CDC123: variants seen among roughly 807,000 people sequenced by gnomAD.
The protein encoded by CDC123 is cell division cycle 123, also known as translation initiation factor eIF2 assembly protein.
CDC123 carries 37 observed loss-of-function variants against 54.4 expected under a neutral mutation model. The ratio of observed to expected loss-of-function variants is 0.68; its 90% CI spans 0.52 to 0.89. CDC123 has a LOEUF of 0.89. Ranked by LOEUF, CDC123 falls within the 40% of genes least tolerant of loss-of-function variation. The pLI is 0.00. For synonymous variants in CDC123, 144 were observed against 136.8 expected (o/e 1.05, Z -0.37); for missense variants, 361 against 412.1 (o/e 0.88, Z 1.07).
chr10:12,206,582 C>T (rs945080932), intron 2 of CDC123, among the ~76,000 whole-genome samples: 10 of 152,096 alleles, frequency 6.6e-5, no homozygotes, highest in Admixed American at 1.3e-4. Flanking sequence ...GAGGCCAAGG[C>T]GGTTCGATTA....
Position 12,222,439 on chromosome 10 carries a change from GA to G in CDC123, c.440+4975del, listed in dbSNP as rs573431086. ...TCGAGACCAGCCTGGCCAACATGGT[GA>G]AACCCTGACTCTACTAAAAATACAA... On this transcript the variant is annotated intron_variant, in intron 6 of 12. Coordinates refer to ENST00000281141, the MANE Select transcript of CDC123 (RefSeq NM_006023.3). Among the ~76,000 whole-genome samples, 7 of 152,270 alleles carry G rather than the reference GA, an allele frequency of 4.6e-5. No individual in the cohort carries two copies. The South Asian group carries it at 1.5e-3, about 32-fold the overall frequency.
At chr10:12,233,278 T>TACACACACACACACAC (rs57596982) in intron 7 of CDC123, among the ~76,000 whole-genome samples, 14 of 145,678 alleles carry the variant, frequency 9.6e-5, no homozygotes, top group South Asian at 4.5e-4. Flanking sequence ...GTATTTAAAA[T>TACACACACACACACAC]ACACACACAC....
At chr10:12,210,551 C>A (rs115088873) in intron 4 of CDC123, among the ~76,000 whole-genome samples, 1 of 152,026 alleles carries the variant, frequency 6.6e-6, no homozygotes, top group Non-Finnish European at 1.5e-5. Context: ...ATTTCGAGTG[C>A]GTATTTGATG....
chr10:12,215,704 T>C, intron 4 of CDC123, 36 bp from the exon 5 acceptor site: 1 of 1,269,608 alleles, frequency 7.9e-7, no homozygotes, highest in Non-Finnish European at 1.1e-6. Context: ...ACTGTGATGA[T>C]ATTGACGTGC....
chr10:12,203,712 A>G (rs576236258), intron 2 of CDC123, among the ~76,000 whole-genome samples: 1 of 152,318 alleles, frequency 6.6e-6, no homozygotes, highest in African/African-American at 2.4e-5. Flanking sequence ...TGAGCAGGGC[A>G]TCCTACCGTA....
intron 1 of CDC123, among the ~76,000 whole-genome samples, 179 bp downstream of exon 1, chr10:12,196,498 C>G (rs185382241): frequency 7.9e-5 from 12 of 152,166 alleles, no homozygotes; most frequent in Admixed American, 6.5e-5. Context: ...AGTGTGCTGG[C>G]TAGGAGGGTC....
intron 2 of CDC123, among the ~76,000 whole-genome samples, chr10:12,208,451 G>C (rs193116644): frequency 6.6e-6 from 1 of 152,176 alleles, no homozygotes; most frequent in Admixed American, 6.5e-5. Flanking sequence ...ATGACAGTTG[G>C]AGGCAGAGAA....
In CDC123 at chr10:12,250,365, GGCCCCGCCC is replaced by G; in HGVS notation, c.*29_*37del. ...AGCGTACTGGAACTGGAGAAGAGGA[GGCCCCGCCC>G]CACCGCTCCGGGAGCTGCTCATCAG... On this transcript the variant is annotated 3_prime_UTR_variant, in exon 13 of 13. Coordinates refer to ENST00000281141, the MANE Select transcript of CDC123 (RefSeq NM_006023.3). 6.3e-7 allele frequency: 1 copy of G among 1,578,470 alleles called. No individual in the cohort carries two copies. The highest frequency in any genetic ancestry group is 2.2e-5 in the East Asian group (1 of 44,594).
At chr10:12,249,794 A>C (rs1836216285) in intron 12 of CDC123, 76 bp downstream of exon 12, 2 of 1,507,540 alleles carry the variant, frequency 1.3e-6, no homozygotes, top group Admixed American at 2.4e-5. Flanking sequence ...ATAATATTTC[A>C]TTGGAATCCT....
intron 11 of CDC123, among the ~76,000 whole-genome samples, chr10:12,248,368 G>C (rs976715994): frequency 2.0e-5 from 3 of 151,550 alleles, no homozygotes; most frequent in African/African-American, 7.3e-5. Context: ...AATTAGCTGG[G>C]CATGGTGGCA....
rs1564257408 is a variant in CDC123 at position 12,237,165 on chromosome 10, C to G, written c.587C>G (p.Thr196Arg). ...TCAGGTATTTCTCAAAGAGACTACA[C>G]ACAATACTATGATCATATTTCTAAA... ...KLIGISQRDY[T>R]QYYDHISKQK... Residue 196 changes from threonine (T) to arginine (R), a missense_variant, in exon 9 of 13, where the codon ACA (threonine) becomes AGA (arginine). Transcript: ENST00000281141. 6.4e-7 allele frequency: 1 copy of G among 1,557,792 alleles called. No individual in the cohort carries two copies. Among genetic ancestry groups the G allele is most frequent in the Non-Finnish European group, 8.6e-7 (1 of 1,159,604 alleles).
chr10:12,227,280 A>AGGG (rs1835835925), intron 6 of CDC123, among the ~76,000 whole-genome samples: 1 of 54,270 alleles, frequency 1.8e-5, no homozygotes, highest in African/African-American at 7.4e-5. Context: ...GACCATGGGG[A>AGGG]GAGGGGGAGG....
chr10:12,226,676 G>A (rs956291966), intron 6 of CDC123, among the ~76,000 whole-genome samples: 1 of 141,068 alleles, frequency 7.1e-6, no homozygotes, highest in Middle Eastern at 3.6e-3. Flanking sequence ...GGGCAGAGGC[G>A]CTCCCCACAT....
intron 7 of CDC123, 29 bp downstream of exon 7, chr10:12,231,025 T>C: frequency 6.4e-7 from 1 of 1,553,984 alleles, no homozygotes. Context: ...TTGATAATTG[T>C]AGATGAAGAT....
intron 6 of CDC123, among the ~76,000 whole-genome samples, chr10:12,223,317 G>A (rs935709226): frequency 1.3e-5 from 2 of 151,362 alleles, no homozygotes; most frequent in African/African-American, 2.4e-5. Flanking sequence ...ACAGAGTCTC[G>A]CTCTGTCACC....
chr10:12,226,537 C>G lies in CDC123; in HGVS notation c.441-4411C>G, dbSNP rs371841123. ...GCAGAGAGGCTCCTCACCTCCCAGACGGGGTGGAGGTTGGGCAGAGACACT... is the reference window on the plus strand; with the variant it reads ...GCAGAGAGGCTCCTCACCTCCCAGAGGGGGTGGAGGTTGGGCAGAGACACT... On this transcript the variant is annotated intron_variant, in intron 6 of 12. Coordinates refer to ENST00000281141, the MANE Select transcript of CDC123 (RefSeq NM_006023.3). 3.4e-3 allele frequency among the ~76,000 whole-genome samples: 510 copies of G among 149,716 alleles called. 4 individuals are homozygous for G. The South Asian group carries it at 0.036, about 11-fold the overall frequency.
At chr10:12,230,857 C>T (rs1032994220) in intron 6 of CDC123, 91 bp from the exon 7 acceptor site, 5 of 1,204,142 alleles carry the variant, frequency 4.2e-6, no homozygotes, top group Admixed American at 2.2e-5. Context: ...TTTAGTAAAA[C>T]GTTACTCTCA....
rs553165393 is a variant in CDC123, at chr10:12,235,610, C to T, written c.565+487C>T. Among the ~76,000 whole-genome samples the T allele has an allele frequency of 2.6e-5, 4 of 152,270 alleles. No individual in the cohort carries two copies. In the South Asian group the frequency reaches 8.3e-4, roughly 32 times the overall value. On this transcript the variant is annotated intron_variant, in intron 8 of 12. Coordinates refer to ENST00000281141, the MANE Select transcript of CDC123 (RefSeq NM_006023.3). ...TCCTCTCAGGTTACTGTTCTGTTTG[C>T]TATGATTGATTTAACTTAAATATTG...
chr10:12,239,949 A>G (rs1836034505), intron 10 of CDC123, among the ~76,000 whole-genome samples: 1 of 150,268 alleles, frequency 6.7e-6, no homozygotes, highest in Admixed American at 6.6e-5. Flanking sequence ...CGGAGCTTGC[A>G]GTGAGCCGAG....
Sources: gnomAD v4.1 joint callset for allele counts (sites outside exome capture counted in the v4.1 genomes callset) on GRCh38, gnomAD v4.1.1 for gene constraint, MANE v1.5 for transcripts, NCBI Gene and HGNC (gene_info 2026-07-23, HGNC 2026-07-21) for gene names.